Variants in STIM1 observed in about 807,000 individuals in gnomAD.
The protein encoded by STIM1 is stromal interaction molecule 1.
Under a neutral mutation model 74.7 loss-of-function variants are expected in STIM1, and 25 were observed. The observed-to-expected ratio is 0.33, with a 90% CI of 0.24 to 0.47. The LOEUF (loss-of-function observed/expected upper bound fraction) is 0.47, where lower values mean the gene tolerates loss of function less well. STIM1 is among the 20% of genes least tolerant of loss of function. The pLI, the probability that STIM1 is intolerant of heterozygous loss-of-function variation, is 1.00. For synonymous variants in STIM1, 328 were observed against 348.8 expected (o/e 0.94, Z 0.66); for missense variants, 728 against 920.8 (o/e 0.79, Z 2.71).
intron 5 of STIM1, among the ~76,000 whole-genome samples, chr11:4,067,840 C>T (rs2133149834): frequency 6.6e-6 from 1 of 152,268 alleles, no homozygotes; most frequent in East Asian, 1.9e-4. Flanking sequence ...AGAATCAATC[C>T]TTCCAAGATT....
chr11:3,966,367 G>A (rs1045968301), intron 1 of STIM1, among the ~76,000 whole-genome samples: 1 of 152,216 alleles, frequency 6.6e-6, no homozygotes, highest in Admixed American at 6.5e-5. Context: ...AAGAGGTAGA[G>A]AGGTGACCTG....
intron 1 of STIM1, among the ~76,000 whole-genome samples, chr11:3,893,142 T>G (rs528779928): frequency 6.6e-6 from 1 of 152,228 alleles, no homozygotes; most frequent in Non-Finnish European, 1.5e-5. Context: ...ACTCTCCCAA[T>G]TTTGTTGGTG....
At chr11:3,946,377 T>C (rs773244165) in intron 1 of STIM1, among the ~76,000 whole-genome samples, 2 of 152,186 alleles carry the variant, frequency 1.3e-5, no homozygotes, top group Non-Finnish European at 1.5e-5. Context: ...GCTGTGTGCA[T>C]GTGGAACCCA....
At chr11:4,013,654 A>T (rs186517820) in intron 2 of STIM1, among the ~76,000 whole-genome samples, 25 of 93,694 alleles carry the variant, frequency 2.7e-4, no homozygotes, top group African/African-American at 1.0e-3. Context: ...TTCTTTGTTG[A>T]TCTTTTCAAA....
At chr11:4,088,878 T>A in intron 12 of STIM1, 1 of 831,608 alleles carries the variant, frequency 1.2e-6, no homozygotes, top group South Asian at 1.5e-5. Flanking sequence ...CTAGGCTTCC[T>A]CCCAGGTTCT....
At chr11:3,910,807 C>T (rs887664042) in intron 1 of STIM1, among the ~76,000 whole-genome samples, 9 of 150,928 alleles carry the variant, frequency 6.0e-5, no homozygotes, top group Admixed American at 5.9e-4. Flanking sequence ...TGGTGAAACC[C>T]CTGTCTCTAC....
chr11:3,863,591 A>G (rs1203005770), intron 1 of STIM1, among the ~76,000 whole-genome samples: 1 of 152,146 alleles, frequency 6.6e-6, no homozygotes, highest in Non-Finnish European at 1.5e-5. Flanking sequence ...AAATTCCAGA[A>G]ATAATTCATA....
At chr11:3,945,358 C>T (rs1231176329) in intron 1 of STIM1, among the ~76,000 whole-genome samples, 1 of 151,926 alleles carries the variant, frequency 6.6e-6, no homozygotes, top group Non-Finnish European at 1.5e-5. Context: ...GGGTGGATCA[C>T]CTGCGGTCAA....
intron 3 of STIM1, among the ~76,000 whole-genome samples, chr11:4,027,753 G>A (rs1393537138): frequency 6.6e-6 from 1 of 152,206 alleles, no homozygotes. Flanking sequence ...TAAATAGGGT[G>A]TTGATGGTGG....
At chr11:3,855,227 C>T (rs61899393), upstream of STIM1, 11,356 of 152,492 alleles carry the variant, frequency 0.074, 550 homozygotes, top group Middle Eastern at 0.15. Flanking sequence ...TCAGGCAGCT[C>T]CTGGGAGGCT....
At chr11:3,917,951 G>C (rs1590563674) in intron 1 of STIM1, among the ~76,000 whole-genome samples, 1 of 152,188 alleles carries the variant, frequency 6.6e-6, no homozygotes, top group Non-Finnish European at 1.5e-5. Flanking sequence ...TTTTGCATTT[G>C]TTGTGACTCT....
At chr11:3,923,111 A>C (rs527980903) in intron 1 of STIM1, among the ~76,000 whole-genome samples, 6 of 152,118 alleles carry the variant, frequency 3.9e-5, no homozygotes, top group South Asian at 2.1e-4. Flanking sequence ...AAAAAAAAAA[A>C]AAAACAAACA....
intron 1 of STIM1, among the ~76,000 whole-genome samples, chr11:3,954,697 T>C (rs946651932): frequency 6.6e-6 from 1 of 152,160 alleles, no homozygotes; most frequent in African/African-American, 2.4e-5. Flanking sequence ...GAGCCTTCCA[T>C]ACCGAAAGAA....
At chr11:3,892,724 C>T (rs1369632561) in intron 1 of STIM1, 1 of 1,613,004 alleles carries the variant, frequency 6.2e-7, no homozygotes, top group Non-Finnish European at 8.5e-7. Flanking sequence ...TGGAATAATT[C>T]TGTGAAAGCA....
At chr11:3,967,811 A>G (rs927491189) in intron 2 of STIM1, 129 bp downstream of exon 2, 17 of 1,331,008 alleles carry the variant, frequency 1.3e-5, no homozygotes, top group Middle Eastern at 4.0e-4. Flanking sequence ...ACTCATCCCT[A>G]TCAGGGAAGA....
intron 2 of STIM1, among the ~76,000 whole-genome samples, chr11:3,998,526 C>T (rs1362571384): frequency 6.6e-6 from 1 of 152,178 alleles, no homozygotes; most frequent in African/African-American, 2.4e-5. Flanking sequence ...ACACACTCTG[C>T]TCTGTGCCGG....
intron 1 of STIM1, among the ~76,000 whole-genome samples, chr11:3,891,522 C>T (rs12271076): frequency 0.013 from 2,051 of 152,124 alleles, 45 homozygotes; most frequent in African/African-American, 0.046. Context: ...TGACTTCAGG[C>T]GATCTTCTCA....
At chr11:4,068,882 G>A (rs1050744101) in intron 5 of STIM1, among the ~76,000 whole-genome samples, 1 of 152,148 alleles carries the variant, frequency 6.6e-6, no homozygotes, top group South Asian at 2.1e-4. Flanking sequence ...TAACTTGGTG[G>A]CTCTACCTGG....
At chr11:3,926,876 G>A (rs564249705) in intron 1 of STIM1, among the ~76,000 whole-genome samples, 1 of 152,184 alleles carries the variant, frequency 6.6e-6, no homozygotes, top group Non-Finnish European at 1.5e-5. Flanking sequence ...TTACTTTAGG[G>A]AGTTGACAGA....
Sources: allele counts gnomAD v4.1 joint callset (sites outside exome capture counted in the v4.1 genomes callset), GRCh38; gene constraint gnomAD v4.1.1; transcripts MANE v1.5; gene names NCBI Gene and HGNC (gene_info 2026-07-23, HGNC 2026-07-21).